Variants in UTP20 observed in about 807,000 individuals in gnomAD.
The protein encoded by UTP20 is small subunit processome component 20 homolog.
UTP20 carries 164 observed loss-of-function variants against 329.5 expected under a neutral mutation model. The ratio of observed to expected loss-of-function variants is 0.50; its 90% CI spans 0.44 to 0.57. The LOEUF (loss-of-function observed/expected upper bound fraction) is 0.57. Among genes scored for constraint, UTP20 ranks in the 20% least tolerant of loss-of-function variants. UTP20 has a pLI of 0.00. For missense variants in UTP20, 3,055 were observed against 3,284.2 expected (o/e 0.93, Z 1.71); for synonymous variants, 1,151 against 1,159.3 (o/e 0.99, Z 0.14).
At position 101,308,175 on chromosome 12, in the gene UTP20, G is replaced by C. The variant is rs1477290912; in HGVS notation, c.1996-10G>C. ...ACTGGTCTTCTCCATGGTTTTCTCT[G>C]GTTATTCAGGATGATGGGCTCTCAG... On this transcript the variant is annotated splice_polypyrimidine_tract_variant and intron_variant, in intron 17 of 61. Coordinates refer to ENST00000261637, the MANE Select transcript of UTP20 (RefSeq NM_014503.3). 1.1e-5 allele frequency: 18 copies of C among 1,591,360 alleles called. No individual in the cohort carries two copies. The highest frequency in any genetic ancestry group is 1.3e-5 in the Non-Finnish European group (15 of 1,170,188).
chr12:101,320,758 T>G (rs1873123454), intron 23 of UTP20, 94 bp from the exon 24 acceptor site: 1 of 1,130,786 alleles, frequency 8.8e-7, no homozygotes, highest in Admixed American at 3.0e-5. Flanking sequence ...TTTAGAATTT[T>G]TCAAATCTCA....
intron 15 of UTP20, among the ~76,000 whole-genome samples, chr12:101,305,303 A>G (rs915746180): frequency 2.6e-5 from 4 of 151,974 alleles, no homozygotes; most frequent in African/African-American, 7.2e-5. Flanking sequence ...TAACTGCTAT[A>G]TCTACAGTAT....
At chr12:101,280,719 T>C (rs1410331398) in intron 1 of UTP20, among the ~76,000 whole-genome samples, 1 of 152,242 alleles carries the variant, frequency 6.6e-6, no homozygotes, top group Non-Finnish European at 1.5e-5. Context: ...TGCCCCTTGA[T>C]AGATTGTTTC....
intron 21 of UTP20, among the ~76,000 whole-genome samples, chr12:101,315,248 G>A (rs1459461422): frequency 2.0e-5 from 3 of 152,138 alleles, no homozygotes; most frequent in African/African-American, 4.8e-5. Context: ...CACTTTGGGG[G>A]GCCGAGGTGG....
rs756483939 is a variant in UTP20 at position 101,292,097 on chromosome 12, T to C, written c.1166T>C (p.Ile389Thr). 4 of 1,611,802 alleles carry C rather than the reference T, an allele frequency of 2.5e-6. No individual in the cohort carries two copies. The highest frequency in any genetic ancestry group is 2.5e-6 in the Non-Finnish European group (3 of 1,179,410). Residue 389 changes from isoleucine to threonine, a missense_variant, in exon 10 of 62, where the codon ATA (isoleucine) becomes ACA (threonine). Coordinates refer to ENST00000261637, the MANE Select transcript of UTP20 (RefSeq NM_014503.3). ...CCGGAGACCCTCATCAAAGAAACCA[T>C]AGAAAAAGTAATTTACTTCAACAAA... is the stretch of plus-strand genomic sequence containing the variant. ...SLPETLIKET[I>T]EKIFESRFEK... is the part of the protein sequence containing the mutation.
At chr12:101,367,278 C>CT (rs762117444) in intron 47 of UTP20, among the ~76,000 whole-genome samples, 3 of 152,000 alleles carry the variant, frequency 2.0e-5, no homozygotes, top group Non-Finnish European at 4.4e-5. Flanking sequence ...TAGTGAGACC[C>CT]TGTCTCTAAA....
At chr12:101,347,501 C>G (rs1039085770) in intron 38 of UTP20, among the ~76,000 whole-genome samples, 2 of 151,478 alleles carry the variant, frequency 1.3e-5, no homozygotes, top group African/African-American at 4.9e-5. Context: ...CCAGCCTGGG[C>G]GACAGAGCGA....
chr12:101,307,294 T>TACACACACAC (rs35767250), intron 17 of UTP20, among the ~76,000 whole-genome samples: 35 of 146,864 alleles, frequency 2.4e-4, no homozygotes, highest in Non-Finnish European at 4.4e-4. Context: ...ACTTTTTGAA[T>TACACACACAC]ACACACACAC....
At position 101,295,646 on chromosome 12, in the gene UTP20, C is replaced by G. The variant is rs145108682; in HGVS notation, c.1418C>G (p.Pro473Arg). The G allele has an allele frequency of 1.3e-5, 21 of 1,602,998 alleles. No individual in the cohort carries two copies. The Admixed American group carries it at 2.7e-4, about 21-fold the overall frequency. Residue 473 changes from proline (P) to arginine (R), a missense_variant, in exon 12 of 62, where the codon CCG (proline) becomes CGG (arginine). Pro to Arg is a moderately radical substitution (Grantham distance 103). Transcript: ENST00000261637. ...GAAAAGTACCCTCTGGTTTTCTCAC[C>G]GCAGATGGTGGGGTGAGTTCTAACT... ...AIEKYPLVFS[P>R]QMVGFYIKQK...
intron 37 of UTP20, among the ~76,000 whole-genome samples, chr12:101,346,149 T>G (rs1869315622): frequency 6.6e-6 from 1 of 152,132 alleles, no homozygotes; most frequent in Non-Finnish European, 1.5e-5. Context: ...CCTCCAGGGT[T>G]CAAGTGATTC....
chr12:101,320,698 G>A (rs1350882583), intron 23 of UTP20, among the ~76,000 whole-genome samples, 154 bp from the exon 24 acceptor site: 1 of 152,082 alleles, frequency 6.6e-6, no homozygotes, highest in Non-Finnish European at 1.5e-5. Context: ...TTTACTTCCA[G>A]GAAAATGTGA....
intron 19 of UTP20, among the ~76,000 whole-genome samples, 182 bp from the exon 20 acceptor site, chr12:101,311,537 T>G (rs530040398): frequency 3.2e-4 from 49 of 152,344 alleles, no homozygotes; most frequent in African/African-American, 1.2e-3. Context: ...TAAAAATGAT[T>G]TGTGCTCAGT....
intron 15 of UTP20, among the ~76,000 whole-genome samples, chr12:101,305,097 G>T (rs529897886): frequency 6.6e-6 from 1 of 152,046 alleles, no homozygotes; most frequent in East Asian, 1.9e-4. Flanking sequence ...ACAACTCCCT[G>T]CATGTCAATC....
At chr12:101,308,857 C>T (rs1872707301) in intron 18 of UTP20, among the ~76,000 whole-genome samples, 1 of 152,022 alleles carries the variant, frequency 6.6e-6, no homozygotes, top group Admixed American at 6.5e-5. Flanking sequence ...CTCAGCCTCC[C>T]GAGTTGCTGG....
chr12:101,375,255 T>C (rs1159539436), intron 55 of UTP20, among the ~76,000 whole-genome samples: 2 of 147,070 alleles, frequency 1.4e-5, no homozygotes, highest in African/African-American at 2.6e-5. Context: ...AGCAAGACCC[T>C]GACTCAAAAA....
chr12:101,346,308 C>G, intron 37 of UTP20, 143 bp from the exon 38 acceptor site: 1 of 932,378 alleles, frequency 1.1e-6, no homozygotes, highest in Admixed American at 3.4e-5. Flanking sequence ...ATCTCGGCCT[C>G]CCGAGTGCTA....
rs148536386 is a variant in UTP20 at position 101,321,576 on chromosome 12, T to C, written c.2988T>C (p.Asp996=). The part of the protein sequence containing the change: ...EEIVHFSISE[D]NAVVKTAHRA... ...TAGTGCATTTTAGCATTTCAGAAGA[T>C]AATGCTGTAGTGAAAACAGCCCACC... is the stretch of plus-strand genomic sequence containing the variant. Residue 996 remains aspartate, a synonymous_variant, in exon 25 of 62, where the codon GAT becomes GAC. Transcript: ENST00000261637. 6.8e-6 allele frequency: 11 copies of C among 1,613,662 alleles called. No homozygotes were observed. In the African/African-American group the frequency reaches 1.3e-4, roughly 20 times the overall value.
chr12:101,373,407 A>G lies in UTP20; in HGVS notation c.6885A>G (p.Glu2295=), dbSNP rs752484492. 6.2e-7 allele frequency: 1 copy of G among 1,614,088 alleles called. No homozygotes were observed. The highest frequency in any genetic ancestry group is 1.7e-5 in the Admixed American group (1 of 60,026). ...CCTAATGTCCTTCCCCTAGTTACGA[A>G]CATGAGACCGGGAGAGAGTCCACCT... ...LEFMLAQLNY[E]HETGRESTLE... Residue 2295 remains glutamate, a synonymous_variant, in exon 53 of 62, where the codon GAA becomes GAG. Transcript: ENST00000261637.
chr12:101,318,815 A>G (rs11612071), intron 22 of UTP20, among the ~76,000 whole-genome samples: 24,175 of 132,722 alleles, frequency 0.18, 2,707 homozygotes, highest in Non-Finnish European at 0.25. Flanking sequence ...TGGGCCACAG[A>G]TTGAGACTCC....
Sources: gnomAD v4.1 joint callset for allele counts (sites outside exome capture counted in the v4.1 genomes callset) on GRCh38, gnomAD v4.1.1 for gene constraint, MANE v1.5 for transcripts, NCBI Gene and HGNC (gene_info 2026-07-23, HGNC 2026-07-21) for gene names.